SENP1: variants seen among roughly 807,000 people sequenced by gnomAD.
SENP1 encodes sentrin-specific protease 1.
SENP1 carries 21 observed loss-of-function variants against 93.0 expected under a neutral mutation model. The ratio of observed to expected loss-of-function variants is 0.23; its 90% CI spans 0.16 to 0.33. SENP1 has a LOEUF of 0.33. Among genes scored for constraint, SENP1 ranks in the 10% least tolerant of loss-of-function variants. The probability of loss-of-function intolerance (pLI) is 1.00; values close to 1 mark genes in which losing one functional copy is unlikely to be tolerated. For synonymous variants in SENP1, 256 were observed against 259.6 expected, an observed-to-expected ratio of 0.99 and a Z score of 0.13; for missense variants, 591 against 758.7, an observed-to-expected ratio of 0.78 and a Z score of 2.60.
intron 13 of SENP1, among the ~76,000 whole-genome samples, chr12:48,053,707 GTAAT>G (rs1202612116): frequency 6.6e-6 from 1 of 152,116 alleles, no homozygotes; most frequent in Non-Finnish European, 1.5e-5. Context: ...TACCAAGTAG[GTAAT>G]TAGTCTGCCT....
In SENP1 at chr12:48,106,029, G is replaced by T; in HGVS notation, c.-46C>A. ...CCCCAGCTTCCCGCCGCCACTCACC[G>T]AACCGGAACCGGCTGCCATGCGAAG... is the stretch of plus-strand genomic sequence containing the variant. On this transcript the variant is annotated splice_region_variant and 5_prime_UTR_variant, in exon 1 of 18. An upstream open reading frame in the 5' UTR gains an earlier in-frame stop. Coordinates refer to ENST00000549518, the MANE Select transcript of SENP1 (RefSeq NM_001267594.2). 1.4e-6 allele frequency: 1 copy of T among 701,530 alleles called. No homozygotes were observed. Among genetic ancestry groups the T allele is most frequent in the Non-Finnish European group, 2.6e-6 (1 of 384,730 alleles). 43.5% of individuals were successfully genotyped at this position (701,530 alleles called of 1,614,324 possible).
chr12:48,093,484 A>G lies in SENP1; in HGVS notation c.220+2859T>C, dbSNP rs1018036287. The stretch of plus-strand genomic sequence containing the variant: ...TTTTTAGTAGAGACAGGGTTTTACC[A>G]TGTTGGCCAGGCTGGTCTCGAATGC... On this transcript the variant is annotated intron_variant, in intron 4 of 17. Transcript: ENST00000549518. Among the ~76,000 whole-genome samples, 70 of 151,938 alleles carry G rather than the reference A, an allele frequency of 4.6e-4. 1 individual carries two copies. Among genetic ancestry groups the G allele is most frequent in the African/African-American group, 1.5e-3 (64 of 41,374 alleles).
At chr12:48,054,683 G>A (rs11168374) in intron 13 of SENP1, 25,337 of 152,092 alleles carry the variant, frequency 0.17, 2,445 homozygotes, top group East Asian at 0.28. Flanking sequence ...CCAGCTACTC[G>A]GGGGGCTGGG....
chr12:48,073,714 A>G (rs1418305317), intron 8 of SENP1, among the ~76,000 whole-genome samples: 1 of 152,204 alleles, frequency 6.6e-6, no homozygotes, highest in Non-Finnish European at 1.5e-5. Flanking sequence ...TAAAACGCAC[A>G]AACCTAAGTA....
chr12:48,088,144 C>T (rs924196570), intron 5 of SENP1, among the ~76,000 whole-genome samples: 7 of 152,014 alleles, frequency 4.6e-5, no homozygotes, highest in Admixed American at 1.3e-4. Context: ...CCTCTGCCTC[C>T]CAGGTTCAAG....
intron 9 of SENP1, among the ~76,000 whole-genome samples, chr12:48,071,204 T>C (rs1428406214): frequency 6.6e-6 from 1 of 152,172 alleles, no homozygotes; most frequent in Non-Finnish European, 1.5e-5. Context: ...AGAACAATTA[T>C]AAAGCCACTA....
In SENP1 at chr12:48,045,326, A is replaced by C; in HGVS notation, c.1931T>G (p.Leu644Trp). ...GTCTGCTAAGTGAGACAGTCTTCACAAGAGTTTTCGGTGGAGGATCTCCCA... is the reference window on the plus strand; with the variant it reads ...GTCTGCTAAGTGAGACAGTCTTCACCAGAGTTTTCGGTGGAGGATCTCCCA... ...MVWEILHRKL[L>W] The change falls in exon 18 of 18, where the codon TTG becomes TGG. Residue 644 changes from leucine to tryptophan, a missense_variant. Leu to Trp is a moderately conservative substitution (Grantham distance 61). Around this residue, in one of 4 missense-constraint regions of SENP1, gnomAD observed 132 missense variants for 230.1 expected, o/e 0.57. Coordinates refer to ENST00000549518, the MANE Select transcript of SENP1 (RefSeq NM_001267594.2). The C allele has an allele frequency of 6.2e-7, 1 of 1,613,480 alleles. No homozygotes were observed. Among genetic ancestry groups the C allele is most frequent in the Non-Finnish European group, 8.5e-7 (1 of 1,179,572 alleles).
chr12:48,045,121 C>G lies in SENP1; in HGVS notation c.*201G>C. On this transcript the variant is annotated 3_prime_UTR_variant, in exon 18 of 18. Coordinates refer to ENST00000549518, the MANE Select transcript of SENP1 (RefSeq NM_001267594.2). Reference sequence around the variant, plus strand: ...ATGTCCCTCACCCCTTTCACAGCACCAAAGTTTCTTTGCAAAAATAGTATC... The same window carrying G: ...ATGTCCCTCACCCCTTTCACAGCACGAAAGTTTCTTTGCAAAAATAGTATC... 1 of 567,738 alleles carries G rather than the reference C, an allele frequency of 1.8e-6. No homozygotes were observed. 35.2% of individuals were successfully genotyped at this position (567,738 alleles called of 1,614,324 possible). A position where few individuals can be genotyped will look rare whatever the true frequency, so the allele number is the denominator to read the frequency against.
At chr12:48,094,402 A>C (rs922078331) in intron 4 of SENP1, among the ~76,000 whole-genome samples, 29 of 151,932 alleles carry the variant, frequency 1.9e-4, no homozygotes, top group African/African-American at 6.8e-4. Context: ...AAAATAGGCC[A>C]GGCACAGTGG....
intron 15 of SENP1, 84 bp downstream of exon 15, chr12:48,047,917 G>A (rs1024831507): frequency 8.6e-6 from 7 of 813,168 alleles, no homozygotes; most frequent in Non-Finnish European, 1.5e-5. Context: ...CTCCATTGAA[G>A]GTATCAAACA....
At chr12:48,077,168 A>G (rs1040955868) in intron 6 of SENP1, among the ~76,000 whole-genome samples, 1 of 152,178 alleles carries the variant, frequency 6.6e-6, no homozygotes, top group South Asian at 2.1e-4. Flanking sequence ...AGCTCCTTAT[A>G]TATTTTGAAT....
At chr12:48,104,641 G>A (rs1264233790) in intron 1 of SENP1, among the ~76,000 whole-genome samples, 2 of 152,170 alleles carry the variant, frequency 1.3e-5, no homozygotes, top group Admixed American at 6.5e-5. Flanking sequence ...AGTAGGGAAA[G>A]CCAGATCCAT....
At chr12:48,072,677 T>TA (rs1400717321) in intron 8 of SENP1, among the ~76,000 whole-genome samples, 4 of 152,158 alleles carry the variant, frequency 2.6e-5, no homozygotes, top group Non-Finnish European at 1.5e-5. Flanking sequence ...GTGAAAAGGT[T>TA]AAAGTTTTTG....
At chr12:48,098,346 T>A (rs1011412977) in intron 2 of SENP1, among the ~76,000 whole-genome samples, 2 of 150,696 alleles carry the variant, frequency 1.3e-5, no homozygotes, top group African/African-American at 4.9e-5. Context: ...ACAAAAAAAT[T>A]TAAAAATTAG....
intron 10 of SENP1, among the ~76,000 whole-genome samples, chr12:48,065,895 G>T (rs538854434): frequency 8.5e-5 from 13 of 152,184 alleles, no homozygotes; most frequent in Non-Finnish European, 1.8e-4. Context: ...TAGAGATAGG[G>T]TCTCACTACA....
chr12:48,068,860 A>C (rs1218041443), intron 9 of SENP1, among the ~76,000 whole-genome samples: 1 of 152,120 alleles, frequency 6.6e-6, no homozygotes, highest in African/African-American at 2.4e-5. Context: ...GATTTTGAAA[A>C]GCAAAATTAA....
chr12:48,068,954 A>G (rs1351931388), intron 9 of SENP1, among the ~76,000 whole-genome samples: 1 of 152,018 alleles, frequency 6.6e-6, no homozygotes, highest in African/African-American at 2.4e-5. Context: ...GGAGTTCGAG[A>G]CCAGCTTGGC....
At position 48,074,566 on chromosome 12, in the gene SENP1, G is replaced by A. The variant is rs1398345191; in HGVS notation, c.698C>T (p.Ser233Leu). Residue 233 changes from serine to leucine, a missense_variant, in exon 8 of 18, where the codon TCA (serine) becomes TTA (leucine). Physicochemically the swap from Ser to Leu is moderately radical, Grantham distance 145. Around this residue, in one of 4 missense-constraint regions of SENP1, gnomAD observed 238 missense variants for 259.1 expected, o/e 0.92. Transcript: ENST00000549518. ...LSSSKNTLKD[S>L]LFKNGNSCAS... ...ACAAGAGTTTCCATTTTTAAACAGT[G>A]AGTCTTTCAAAGTATTTTTACTGGA... 1.9e-6 allele frequency: 3 copies of A among 1,613,336 alleles called. No homozygotes were observed. Among genetic ancestry groups the A allele is most frequent in the Non-Finnish European group, 2.5e-6 (3 of 1,179,446 alleles).
rs11168380 is a variant in SENP1, at chr12:48,066,634, T to C, written c.1034+293A>G. Among the ~76,000 whole-genome samples the C allele has an allele frequency of 7.9e-3, 1,196 of 151,864 alleles. 11 individuals carry two copies. Among genetic ancestry groups the C allele is most frequent in the Non-Finnish European group, 0.013 (882 of 67,894 alleles). ...TCAAGCAATCCTCCCGCCTCAGCCTTCCAAGTAGCTAGGATTACAGGCGCG... is the reference window on the plus strand; with the variant it reads ...TCAAGCAATCCTCCCGCCTCAGCCTCCCAAGTAGCTAGGATTACAGGCGCG... On this transcript the variant is annotated intron_variant, in intron 10 of 17. Transcript: ENST00000549518.
Sources: allele counts gnomAD v4.1 joint callset (sites outside exome capture counted in the v4.1 genomes callset), GRCh38; gene constraint gnomAD v4.1.1; regional missense constraint gnomAD v4.1.1; transcripts MANE v1.5; gene names NCBI Gene and HGNC (gene_info 2026-07-23, HGNC 2026-07-21).